FOXN3: variants seen among roughly 807,000 people sequenced by gnomAD.
FOXN3 encodes the protein forkhead box protein N3.
FOXN3 carries 7 observed loss-of-function variants against 38.4 expected under a neutral mutation model. The observed-to-expected ratio is 0.18, with a 90% CI of 0.10 to 0.34. The LOEUF (loss-of-function observed/expected upper bound fraction) is 0.34, where lower values mean the gene tolerates loss of function less well. Among genes scored for constraint, FOXN3 ranks in the 10% least tolerant of loss-of-function variants. FOXN3 has a pLI of 1.00. For missense variants in FOXN3, 456 were observed against 613.4 expected, an observed-to-expected ratio of 0.74 and a Z score of 2.71; for synonymous variants, 230 against 242.2, an observed-to-expected ratio of 0.95 and a Z score of 0.47.
chr14:89,212,840 C>T (rs1210587567), intron 4 of FOXN3, among the ~76,000 whole-genome samples: 1 of 152,144 alleles, frequency 6.6e-6, no homozygotes, highest in Non-Finnish European at 1.5e-5. Context: ...GAGGGCTCTG[C>T]TGGTTTAATG....
chr14:89,402,435 C>G (rs1351707245), intron 2 of FOXN3, among the ~76,000 whole-genome samples: 1 of 152,206 alleles, frequency 6.6e-6, no homozygotes, highest in Non-Finnish European at 1.5e-5. Context: ...TAACATTTGC[C>G]TCCTAAACAT....
At chr14:89,429,851 CAGTAA>C (rs932619597) in intron 1 of FOXN3, among the ~76,000 whole-genome samples, 25 of 152,328 alleles carry the variant, frequency 1.6e-4, no homozygotes, top group Admixed American at 1.4e-3. Flanking sequence ...TCAAGACAAA[CAGTAA>C]AGTAAACTTT....
At chr14:89,606,841 T>C (rs750050993) in intron 1 of FOXN3, among the ~76,000 whole-genome samples, 2 of 151,574 alleles carry the variant, frequency 1.3e-5, no homozygotes, top group Non-Finnish European at 2.9e-5. Flanking sequence ...ATAGCGAGAC[T>C]CTGTCTCAAA....
chr14:89,360,377 G>A (rs536703193), intron 2 of FOXN3, among the ~76,000 whole-genome samples: 4 of 149,824 alleles, frequency 2.7e-5, no homozygotes, highest in South Asian at 4.2e-4. Flanking sequence ...AGGGAGAAAG[G>A]GAAAGGGAGG....
At chr14:89,210,034 G>A (rs1888480421) in intron 4 of FOXN3, among the ~76,000 whole-genome samples, 1 of 152,196 alleles carries the variant, frequency 6.6e-6, no homozygotes, top group African/African-American at 2.4e-5. Flanking sequence ...CAAGTATTTT[G>A]CAAAATATGT....
At chr14:89,343,631 T>TG (rs1412963404) in intron 3 of FOXN3, among the ~76,000 whole-genome samples, 7 of 150,086 alleles carry the variant, frequency 4.7e-5, no homozygotes, top group Admixed American at 2.0e-4. Flanking sequence ...TGTGTGGTTT[T>TG]TTTTTTTTTT....
chr14:89,440,820 T>G (rs1390546273), intron 1 of FOXN3, among the ~76,000 whole-genome samples: 1 of 152,208 alleles, frequency 6.6e-6, no homozygotes, highest in Non-Finnish European at 1.5e-5. Context: ...TGCAAAGCAG[T>G]GCGTTCAACC....
At chr14:89,427,193 C>T (rs928380505) in intron 1 of FOXN3, among the ~76,000 whole-genome samples, 4 of 141,606 alleles carry the variant, frequency 2.8e-5, no homozygotes, top group African/African-American at 1.1e-4. Flanking sequence ...CGTGCCACTG[C>T]ACTCCAGCCT....
At chr14:89,332,699 G>T (rs890079522) in intron 3 of FOXN3, among the ~76,000 whole-genome samples, 1 of 152,172 alleles carries the variant, frequency 6.6e-6, no homozygotes, top group Non-Finnish European at 1.5e-5. Flanking sequence ...GCAAACATAA[G>T]TGGGACTACA....
upstream of FOXN3, among the ~76,000 whole-genome samples, chr14:89,417,963 A>G (rs756963553): frequency 5.3e-5 from 8 of 152,216 alleles, no homozygotes; most frequent in Non-Finnish European, 1.2e-4. Flanking sequence ...TCTCATTTCC[A>G]TCTCAGTTTG....
chr14:89,452,355 A>C (rs1892630746), intron 1 of FOXN3, among the ~76,000 whole-genome samples: 1 of 152,160 alleles, frequency 6.6e-6, no homozygotes, highest in African/African-American at 2.4e-5. Context: ...TGCTGTGGGA[A>C]GGTTCCCTCG....
At chr14:89,405,642 T>C (rs1891368160) in intron 2 of FOXN3, among the ~76,000 whole-genome samples, 1 of 152,156 alleles carries the variant, frequency 6.6e-6, no homozygotes, top group African/African-American at 2.4e-5. Context: ...AGCAGACAGT[T>C]GTGTGCTCTG....
chr14:89,225,469 T>G (rs1024502448), intron 4 of FOXN3, among the ~76,000 whole-genome samples: 2 of 148,564 alleles, frequency 1.3e-5, no homozygotes, highest in African/African-American at 5.0e-5. Context: ...CTGGGCATGG[T>G]GGTGGGCGCC....
intron 4 of FOXN3, among the ~76,000 whole-genome samples, chr14:89,197,099 G>A (rs979676489): frequency 1.3e-5 from 2 of 152,162 alleles, no homozygotes; most frequent in African/African-American, 4.8e-5. Context: ...TCACACCTGA[G>A]GGGTCTTATA....
At chr14:89,575,757 G>A (rs927238641) in intron 1 of FOXN3, among the ~76,000 whole-genome samples, 2 of 152,182 alleles carry the variant, frequency 1.3e-5, no homozygotes, top group African/African-American at 4.8e-5. Flanking sequence ...TTCTTATTTA[G>A]GTTTGATAAC....
chr14:89,448,241 G>A lies in FOXN3; in HGVS notation c.-14-35751C>T, dbSNP rs544635764. ...TCAGCTAAATAAATTCCAAATGAAT[G>A]TATTGATCAAAGAGTTCATATCATT... On this transcript the variant is annotated intron_variant, in intron 1 of 6. Transcript: ENST00000345097. Among the ~76,000 whole-genome samples the A allele has an allele frequency of 3.3e-5, 5 of 152,290 alleles. No individual in the cohort carries two copies. In the East Asian group the frequency reaches 9.6e-4, roughly 29 times the overall value.
chr14:89,616,884 A>G (rs1196489626), intron 1 of FOXN3, among the ~76,000 whole-genome samples: 1 of 152,194 alleles, frequency 6.6e-6, no homozygotes, highest in African/African-American at 2.4e-5. Flanking sequence ...AATCTAGGAG[A>G]CCACATTTTT....
chr14:89,500,656 T>C (rs1023991206), intron 1 of FOXN3, among the ~76,000 whole-genome samples: 1 of 152,212 alleles, frequency 6.6e-6, no homozygotes, highest in Admixed American at 6.5e-5. Context: ...ATGGTTCTTG[T>C]TACCCTCTGG....
intron 1 of FOXN3, among the ~76,000 whole-genome samples, chr14:89,469,973 G>T (rs568989140): frequency 6.6e-6 from 1 of 152,326 alleles, no homozygotes; most frequent in Admixed American, 6.5e-5. Flanking sequence ...TGCAGGCAGG[G>T]CCTGCCCCTG....
Sources: allele counts gnomAD v4.1 joint callset (sites outside exome capture counted in the v4.1 genomes callset), GRCh38; gene constraint gnomAD v4.1.1; transcripts MANE v1.5; gene names NCBI Gene and HGNC (gene_info 2026-07-23, HGNC 2026-07-21).